The following STK33 variants were observed in gnomAD, a reference collection of about 807,000 sequenced individuals.
The protein encoded by STK33 is serine/threonine kinase 33.
A neutral mutation model predicts 58.0 loss-of-function variants in STK33; 52 were observed. The ratio of observed to expected loss-of-function variants is 0.90; its 90% CI spans 0.72 to 1.13. STK33 has a LOEUF of 1.13. Ranked by LOEUF, STK33 falls within the 50% of genes most tolerant of loss-of-function variation. The pLI, the probability that STK33 is intolerant of heterozygous loss-of-function variation, is 0.00. For missense variants in STK33, 630 were observed against 604.2 expected (o/e 1.04, Z -0.45); for synonymous variants, 215 against 200.1 (o/e 1.07, Z -0.63).
At chr11:8,504,047 C>T (rs943477831) in intron 1 of STK33, among the ~76,000 whole-genome samples, 4 of 152,136 alleles carry the variant, frequency 2.6e-5, no homozygotes, top group Admixed American at 2.0e-4. Flanking sequence ...TTCCCAGTGG[C>T]TAAAAATAGT....
the STK33 span, among the ~76,000 whole-genome samples, chr11:8,354,517 C>CACACACACA: frequency 2.4e-4 from 35 of 146,252 alleles, no homozygotes; most frequent in East Asian, 4.1e-4. Flanking sequence ...CACACACACA[C>CACACACACA]CCCTCAGACA....
At chr11:8,534,842 G>C (rs1954870534) in intron 1 of STK33, among the ~76,000 whole-genome samples, 1 of 151,938 alleles carries the variant, frequency 6.6e-6, no homozygotes, top group Admixed American at 6.6e-5. Flanking sequence ...TCCCTATAAA[G>C]TCCTATAGAT....
At chr11:8,412,828 C>T (rs1200616768) in intron 15 of STK33, among the ~76,000 whole-genome samples, 3 of 152,100 alleles carry the variant, frequency 2.0e-5, no homozygotes, top group African/African-American at 7.2e-5. Context: ...GGAAGAGGAC[C>T]TTTGGGTAAA....
chr11:8,340,242 G>T, the STK33 span, among the ~76,000 whole-genome samples: 1 of 152,186 alleles, frequency 6.6e-6, no homozygotes, highest in Admixed American at 6.5e-5. Flanking sequence ...TGAAAGGCAA[G>T]GTTCTTCCTT....
chr11:8,509,521 TATTTC>T (rs1209456628), intron 1 of STK33, among the ~76,000 whole-genome samples: 1 of 152,202 alleles, frequency 6.6e-6, no homozygotes, highest in Non-Finnish European at 1.5e-5. Context: ...GTACATTTTT[TATTTC>T]AATAGTTTTG....
the STK33 span, among the ~76,000 whole-genome samples, chr11:8,339,520 C>T: frequency 6.6e-6 from 1 of 152,256 alleles, no homozygotes; most frequent in Non-Finnish European, 1.5e-5. Context: ...CGTGTGAAGC[C>T]TAATCCCATT....
chr11:8,486,906 G>C (rs913864821), intron 1 of STK33, among the ~76,000 whole-genome samples: 1 of 152,130 alleles, frequency 6.6e-6, no homozygotes, highest in African/African-American at 2.4e-5. Flanking sequence ...GACCTGATGA[G>C]GGAAAGAGAA....
In STK33 at chr11:8,452,678, C is replaced by A. The variant is rs936913934; in HGVS notation, c.871+144G>T. ...TGGCATACACCTGTGGTCCTAGCTACTTGAGAGGCTGAGGTGGGGGGATGG... is the reference window on the plus strand; with the variant it reads ...TGGCATACACCTGTGGTCCTAGCTAATTGAGAGGCTGAGGTGGGGGGATGG... On this transcript the variant is annotated intron_variant, in intron 11 of 15. Coordinates refer to ENST00000687296, the MANE Select transcript of STK33 (RefSeq NM_001352389.2). The A allele has an allele frequency of 1.1e-5, 7 of 666,366 alleles. No individual in the cohort carries two copies. The African/African-American group carries it at 1.1e-4, about 10-fold the overall frequency. 41.3% of individuals were successfully genotyped at this position (666,366 alleles called of 1,614,324 possible).
chr11:8,470,484 C>CA (rs1948672206), intron 6 of STK33, among the ~76,000 whole-genome samples: 1 of 152,216 alleles, frequency 6.6e-6, no homozygotes, highest in Non-Finnish European at 1.5e-5. Context: ...GCTTATCATT[C>CA]ACGTGTTCAC....
At chr11:8,510,905 G>T (rs1053464603) in intron 1 of STK33, among the ~76,000 whole-genome samples, 1 of 152,048 alleles carries the variant, frequency 6.6e-6, no homozygotes, top group African/African-American at 2.4e-5. Flanking sequence ...GGTAACTATA[G>T]CCTTGCAGTA....
At chr11:8,498,970 A>G (rs1951287855) in intron 1 of STK33, among the ~76,000 whole-genome samples, 1 of 152,236 alleles carries the variant, frequency 6.6e-6, no homozygotes, top group Non-Finnish European at 1.5e-5. Flanking sequence ...ACCTAAAACC[A>G]TAAAACCCCT....
chr11:8,412,974 T>C lies in STK33; in HGVS notation c.1344+521A>G, dbSNP rs545090774. ...AATAAACCTATATAAAAAGTTTTTG[T>C]TACCATAAATTCAGACACAAATAAC... On this transcript the variant is annotated intron_variant, in intron 15 of 15. Transcript: ENST00000687296. Among the ~76,000 whole-genome samples the C allele has an allele frequency of 5.9e-5, 9 of 152,354 alleles. No individual in the cohort carries two copies. The South Asian group carries it at 1.9e-3, about 32-fold the overall frequency.
At chr11:8,490,299 G>A (rs1400413644) in intron 1 of STK33, among the ~76,000 whole-genome samples, 2 of 152,242 alleles carry the variant, frequency 1.3e-5, no homozygotes, top group African/African-American at 4.8e-5. Context: ...CTACGCCTAT[G>A]GAGCCTTGCT....
rs137996722 is a variant in STK33 at position 8,427,947 on chromosome 11, T to C, written c.1146+7547A>G. 3.3e-5 allele frequency among the ~76,000 whole-genome samples: 5 copies of C among 152,318 alleles called. No homozygotes were observed. The East Asian group carries it at 5.8e-4, about 18-fold the overall frequency. On this transcript the variant is annotated intron_variant, in intron 14 of 15. Coordinates refer to ENST00000687296, the MANE Select transcript of STK33 (RefSeq NM_001352389.2). ...CTAAGCTCCTGTTTCCCAGGAAGCATTGGCACCCCAGAAGACAAGGCATGG... is the reference window on the plus strand; with the variant it reads ...CTAAGCTCCTGTTTCCCAGGAAGCACTGGCACCCCAGAAGACAAGGCATGG...
In STK33 at chr11:8,397,460, G is replaced by C. The variant is rs1288245220; in HGVS notation, c.1345-4750C>G. On this transcript the variant is annotated intron_variant, in intron 15 of 15. Transcript: ENST00000687296. ...GGACATCCACACCAAAACCCCATCT[G>C]TACATCACCATCATCAAAGACCAAA... Among the ~76,000 whole-genome samples the C allele has an allele frequency of 2.6e-5, 4 of 152,170 alleles. 1 individual carries two copies. Among genetic ancestry groups the C allele is most frequent in the Non-Finnish European group, 2.9e-5 (2 of 68,032 alleles).
chr11:8,382,873 A>T, the STK33 span, among the ~76,000 whole-genome samples: 1 of 152,120 alleles, frequency 6.6e-6, no homozygotes, highest in Non-Finnish European at 1.5e-5. Context: ...CTCAGACCCA[A>T]CCCCAGAGCG....
At chr11:8,402,417 A>G (rs1462778360) in intron 15 of STK33, among the ~76,000 whole-genome samples, 1 of 152,152 alleles carries the variant, frequency 6.6e-6, no homozygotes, top group African/African-American at 2.4e-5. Context: ...TTGAACAATG[A>G]GAACAGATGG....
chr11:8,523,569 A>G (rs1379046060), intron 1 of STK33, among the ~76,000 whole-genome samples: 5 of 139,082 alleles, frequency 3.6e-5, no homozygotes, highest in Non-Finnish European at 3.1e-5. Context: ...CAGCCGCCCC[A>G]TCTGGGAAGC....
intron 14 of STK33, among the ~76,000 whole-genome samples, chr11:8,419,410 C>A (rs967693350): frequency 3.9e-5 from 6 of 152,098 alleles, no homozygotes; most frequent in Non-Finnish European, 5.9e-5. Flanking sequence ...GGTCTTATTT[C>A]TGGGCTCTCT....
Sources: gnomAD v4.1 joint callset for allele counts (sites outside exome capture counted in the v4.1 genomes callset) on GRCh38, gnomAD v4.1.1 for gene constraint, MANE v1.5 for transcripts, NCBI Gene and HGNC (gene_info 2026-07-23, HGNC 2026-07-21) for gene names.